The following ZNF280B variants were observed in gnomAD, a reference collection of about 807,000 sequenced individuals.
The protein encoded by ZNF280B is suppressor of hairy wing homolog 2.
Under a neutral mutation model 38.0 loss-of-function variants are expected in ZNF280B, and 16 were observed. The observed-to-expected ratio is 0.42, with a 90% CI of 0.28 to 0.64. ZNF280B has a LOEUF of 0.64. Ranked by LOEUF, ZNF280B falls within the 30% of genes least tolerant of loss-of-function variation. The pLI is 0.21. For missense variants in ZNF280B, 581 were observed against 639.6 expected (o/e 0.91, Z 0.99); for synonymous variants, 253 against 230.6 (o/e 1.10, Z -0.88).
At chr22:22,503,696 T>C (rs1303621572) in intron 2 of ZNF280B, among the ~76,000 whole-genome samples, 1 of 151,990 alleles carries the variant, frequency 6.6e-6, no homozygotes, top group Non-Finnish European at 1.5e-5. Context: ...CCAAATATGC[T>C]GGTATGACCA....
intron 2 of ZNF280B, among the ~76,000 whole-genome samples, chr22:22,499,129 C>CA (rs1327951486): frequency 6.6e-6 from 1 of 151,332 alleles, no homozygotes; most frequent in Non-Finnish European, 1.5e-5. Context: ...AAATCCTCAA[C>CA]AAAATGTTAG....
intron 2 of ZNF280B, among the ~76,000 whole-genome samples, chr22:22,503,000 G>A (rs1378791921): frequency 6.6e-6 from 1 of 151,972 alleles, no homozygotes; most frequent in Admixed American, 6.6e-5. Context: ...CAGAAGCAAA[G>A]ATTAGAGTGA....
intron 3 of ZNF280B, among the ~76,000 whole-genome samples, chr22:22,493,017 T>C (rs2061627272): frequency 6.6e-6 from 1 of 151,912 alleles, no homozygotes; most frequent in Non-Finnish European, 1.5e-5. Context: ...TTGTTATTAT[T>C]TTTTCTTTTT....
chr22:22,488,067 T>C lies in ZNF280B; in HGVS notation c.1332A>G (p.Ala444=), dbSNP rs775858092. ...CCCTATAATGACACATGTATGGTGT[T>C]GCTGTTTTGAAAATTTTGAGACAAA... ...CPFCLKIFKT[A]TPYMCHYRGH... The change falls in exon 4 of 4, where the codon GCA becomes GCG. Residue 444 remains alanine (A), a synonymous_variant. Transcript: ENST00000626650. 9 of 1,613,854 alleles carry C rather than the reference T, an allele frequency of 5.6e-6. No homozygotes were observed. The African/African-American group carries it at 1.1e-4, about 19-fold the overall frequency.
chr22:22,505,111 A>T (rs2061908002), intron 2 of ZNF280B, among the ~76,000 whole-genome samples: 1 of 152,042 alleles, frequency 6.6e-6, no homozygotes, highest in African/African-American at 2.4e-5. Context: ...CAAAGGGAAC[A>T]GCAAACACAA....
chr22:22,492,065 CAA>C (rs1394938558), intron 3 of ZNF280B, among the ~76,000 whole-genome samples: 1 of 151,788 alleles, frequency 6.6e-6, no homozygotes. Flanking sequence ...AACATATAGA[CAA>C]TATTTATTCC....
intron 2 of ZNF280B, among the ~76,000 whole-genome samples, chr22:22,501,011 C>T (rs1209525040): frequency 3.5e-5 from 4 of 114,870 alleles, no homozygotes; most frequent in Admixed American, 1.1e-4. Context: ...CACACCAAGA[C>T]TCCGTCTCAA....
chr22:22,495,771 C>T (rs924022872), intron 2 of ZNF280B, among the ~76,000 whole-genome samples: 1 of 151,680 alleles, frequency 6.6e-6, no homozygotes, highest in Non-Finnish European at 1.5e-5. Flanking sequence ...TAGTTACTCC[C>T]CTCCTAGACT....
At chr22:22,507,453 C>T (rs1466762992) in intron 2 of ZNF280B, among the ~76,000 whole-genome samples, 1 of 151,922 alleles carries the variant, frequency 6.6e-6, no homozygotes, top group Non-Finnish European at 1.5e-5. Context: ...CAGATGACCT[C>T]CCCTGTCCTG....
chr22:22,491,457 C>CTTTTTTTTT (rs55720546), intron 3 of ZNF280B, among the ~76,000 whole-genome samples: 2 of 113,978 alleles, frequency 1.8e-5, no homozygotes, highest in African/African-American at 3.0e-5. Flanking sequence ...TGTCTTTTTT[C>CTTTTTTTTT]TTTTTTTTTT....
At chr22:22,496,623 G>GAGTT (rs2061700839) in intron 2 of ZNF280B, among the ~76,000 whole-genome samples, 1 of 151,728 alleles carries the variant, frequency 6.6e-6, no homozygotes, top group African/African-American at 2.4e-5. Context: ...CAAACGTGTA[G>GAGTT]AGTTATTTGT....
rs1245778503 is a variant in ZNF280B, at chr22:22,487,339, A to C, written c.*428T>G. 1 of 151,236 alleles carries C rather than the reference A, an allele frequency of 6.6e-6. No homozygotes were observed. Among genetic ancestry groups the C allele is most frequent in the African/African-American group, 2.4e-5 (1 of 41,014 alleles). The allele number at this position is 151,236 out of a possible 1,614,324, so 9.4% of individuals were successfully genotyped here. Reference sequence around the variant, plus strand: ...GCGCCTGTAGTCCTAGCTACTCTCCAAAGGCTGAGGCGGAGGAATGCTTGA... The same window carrying C: ...GCGCCTGTAGTCCTAGCTACTCTCCCAAGGCTGAGGCGGAGGAATGCTTGA... On this transcript the variant is annotated 3_prime_UTR_variant, in exon 4 of 4. Coordinates refer to ENST00000626650, the MANE Select transcript of ZNF280B (RefSeq NM_080764.4).
rs749632000 is a variant in ZNF280B, at chr22:22,488,207, G to A, written c.1192C>T (p.Pro398Ser). Reference sequence around the variant, plus strand: ...TGGCACACATAGGGCATTTCGCCAGGCTTATGATGGTCCTTCATGTGTTGT... The same window carrying A: ...TGGCACACATAGGGCATTTCGCCAGACTTATGATGGTCCTTCATGTGTTGT... ...LLQHMKDHHK[P>S]GEMPYVCQVC... Residue 398 changes from proline to serine, a missense_variant, in exon 4 of 4, where the codon CCT becomes TCT. Transcript: ENST00000626650. 2 of 1,613,772 alleles carry A rather than the reference G, an allele frequency of 1.2e-6. No homozygotes were observed. Among genetic ancestry groups the A allele is most frequent in the African/African-American group, 2.7e-5 (2 of 74,864 alleles).
intron 3 of ZNF280B, among the ~76,000 whole-genome samples, chr22:22,492,165 C>A (rs781155551): frequency 1.2e-4 from 18 of 151,820 alleles, no homozygotes; most frequent in Non-Finnish European, 2.5e-4. Flanking sequence ...ACTGGTGTAT[C>A]ATGAATAGTG....
upstream of ZNF280B, chr22:22,508,852 G>C (rs1383427626): frequency 2.0e-5 from 3 of 152,190 alleles, no homozygotes; most frequent in African/African-American, 7.2e-5. Flanking sequence ...GCGGCTCCGA[G>C]CTAGGAGCAT....
intron 2 of ZNF280B, among the ~76,000 whole-genome samples, chr22:22,499,520 G>A (rs765730459): frequency 3.3e-5 from 5 of 151,878 alleles, no homozygotes; most frequent in Non-Finnish European, 7.4e-5. Context: ...GCCTGCCTTG[G>A]CCTCCCAAAG....
At chr22:22,507,421 A>C (rs746275821) in intron 2 of ZNF280B, among the ~76,000 whole-genome samples, 14 of 151,634 alleles carry the variant, frequency 9.2e-5, no homozygotes, top group Non-Finnish European at 1.2e-4. Context: ...CTATAATCTC[A>C]CCTACTGGCA....
In ZNF280B at chr22:22,489,078, A is replaced by C. The variant is rs2061543446; in HGVS notation, c.321T>G (p.Leu107=). The part of the protein sequence containing the change: ...EAVTVLPASQ[L]ESRSTDSPII... The stretch of plus-strand genomic sequence containing the variant: ...TAGGACTATCTGTTGATCTCGATTC[A>C]AGTTGGGAAGCTGGCAGGACGGTCA... Residue 107 remains leucine, a synonymous_variant, in exon 4 of 4, where the codon CTT becomes CTG. Transcript: ENST00000626650. 3 of 1,613,830 alleles carry C rather than the reference A, an allele frequency of 1.9e-6. No homozygotes were observed. The highest frequency in any genetic ancestry group is 2.5e-6 in the Non-Finnish European group (3 of 1,179,952).
chr22:22,498,739 C>G (rs2146818586), intron 2 of ZNF280B, among the ~76,000 whole-genome samples: 1 of 149,006 alleles, frequency 6.7e-6, no homozygotes, highest in South Asian at 2.1e-4. Context: ...TACTCTTACA[C>G]CAAAATCAAA....
Sources: allele counts gnomAD v4.1 joint callset (sites outside exome capture counted in the v4.1 genomes callset), GRCh38; gene constraint gnomAD v4.1.1; transcripts MANE v1.5; gene names NCBI Gene and HGNC (gene_info 2026-07-23, HGNC 2026-07-21).